The following HMCN2 variants were observed in gnomAD, a reference collection of about 807,000 sequenced individuals.
HMCN2 encodes the protein hemicentin-2.
In HMCN2, 325 loss-of-function variants were observed where a neutral mutation model predicts 377.5. That is an observed-to-expected ratio of 0.86 (90% CI 0.79 to 0.94). HMCN2 has a LOEUF of 0.94. Among genes scored for constraint, HMCN2 ranks in the 40% least tolerant of loss-of-function variants. The probability of loss-of-function intolerance (pLI) is 0.00; values close to 1 mark genes in which losing one functional copy is unlikely to be tolerated. For missense variants in HMCN2, 4,543 were observed against 4,725.3 expected (o/e 0.96, Z 1.13); for synonymous variants, 2,007 against 2,046.8 (o/e 0.98, Z 0.53).
At position 130,394,438 on chromosome 9, in the gene HMCN2, G is replaced by A. The variant is rs574116194; in HGVS notation, c.10555G>A (p.Gly3519Ser). Residue 3519 changes from glycine (G) to serine (S), a missense_variant, in exon 69 of 98, where the codon GGC (glycine) becomes AGC (serine). Physicochemically the swap from Gly to Ser is moderately conservative, Grantham distance 56. Transcript: ENST00000683500. This position sits in a 1 kb window ranked among gnomAD's most constrained non-coding sequence, Gnocchi z 5.1. ...GCCTACAGAGCTGTCGCTGACCCCC[G>A]GCGCCCCCATGGAGCTCCTCTGTGA... is the stretch of plus-strand genomic sequence containing the variant. ...GQPTELSLTP[G>S]APMELLCDAQ... The A allele has an allele frequency of 4.6e-5, 59 of 1,289,562 alleles. No individual in the cohort carries two copies. The South Asian group carries it at 5.7e-4, about 12-fold the overall frequency. The allele number at this position is 1,289,562 out of a possible 1,614,324, so 79.9% of individuals were successfully genotyped here. A position where few individuals can be genotyped will look rare whatever the true frequency, so the allele number is the denominator to read the frequency against.
Position 130,393,627 on chromosome 9 carries a change from C to T in HMCN2, c.10235-115C>T. 1.0e-6 allele frequency: 1 copy of T among 973,932 alleles called. No homozygotes were observed. Among genetic ancestry groups the T allele is most frequent in the Non-Finnish European group, 1.3e-6 (1 of 753,826 alleles). 60.3% of individuals were successfully genotyped at this position (973,932 alleles called of 1,614,324 possible). ...TGTGGGAGCACAGAGGAGGGCACCT[C>T]ACCTGGCCTTGGGGGACCAGGGCGG... On this transcript the variant is annotated intron_variant, in intron 67 of 97. Transcript: ENST00000683500. The surrounding 1 kb of genome is among the most constrained non-coding windows in gnomAD (Gnocchi z 5.2).
At position 130,382,264 on chromosome 9, in the gene HMCN2, G is replaced by A. The variant is rs543859210; in HGVS notation, c.8512G>A (p.Glu2838Lys). Reference protein sequence around the residue: ...YSCKASNEVGEDWLHYELLVL... With the variant: ...YSCKASNEVGKDWLHYELLVL... Reference sequence around the variant, plus strand: ...GTGCAAGGCCTCCAACGAGGTGGGCGAGGACTGGCTGCACTACGAGCTGCT... The same window carrying A: ...GTGCAAGGCCTCCAACGAGGTGGGCAAGGACTGGCTGCACTACGAGCTGCT... Residue 2838 changes from glutamate (E) to lysine (K), a missense_variant, in exon 55 of 98, where the codon GAG (glutamate) becomes AAG (lysine). By Grantham distance (56) the Glu-to-Lys change is moderately conservative. Transcript: ENST00000683500. The A allele has an allele frequency of 9.1e-6, 9 of 985,888 alleles. No individual in the cohort carries two copies. The highest frequency in any genetic ancestry group is 2.3e-4 in the East Asian group (2 of 8,810). The allele number at this position is 985,888 out of a possible 1,614,324, so 61.1% of individuals were successfully genotyped here. A position where few individuals can be genotyped will look rare whatever the true frequency, so the allele number is the denominator to read the frequency against.
At chr9:130,278,158 T>G (rs1554924155) in intron 1 of HMCN2, among the ~76,000 whole-genome samples, 1 of 152,202 alleles carries the variant, frequency 6.6e-6, no homozygotes. Flanking sequence ...GCAGTCTCGC[T>G]CTGTCACCCA....
intron 75 of HMCN2, among the ~76,000 whole-genome samples, chr9:130,399,250 CAAAAAAAAA>C (rs35123847): frequency 5.2e-5 from 4 of 77,046 alleles, no homozygotes; most frequent in African/African-American, 1.8e-4. Flanking sequence ...GAGACTGTCT[CAAAAAAAAA>C]AAAAAAAAAA....
In HMCN2 at chr9:130,269,266, C is replaced by CTTT. The variant is rs56326154; in HGVS notation, c.259+3147_259+3149dup. Reference sequence around the variant, plus strand: ...AATCATTGCAAAAGAGCCCTGGTTCCTTTTTTTTTTTTTTTTTTTTGAAAT... The same window carrying CTTT: ...AATCATTGCAAAAGAGCCCTGGTTCCTTTTTTTTTTTTTTTTTTTTTTTGAAAT... On this transcript the variant is annotated intron_variant, in intron 1 of 97. Transcript: ENST00000683500. Among the ~76,000 whole-genome samples, 337 of 116,522 alleles carry CTTT rather than the reference C, an allele frequency of 2.9e-3. 2 individuals carry two copies. The highest frequency in any genetic ancestry group is 9.2e-3 in the African/African-American group (309 of 33,572). The allele number at this position is 116,522 out of a possible 152,430, so 76.4% of individuals were successfully genotyped here.
chr9:130,420,278 G>A (rs952748757), intron 86 of HMCN2, among the ~76,000 whole-genome samples: 3 of 151,866 alleles, frequency 2.0e-5, no homozygotes, highest in African/African-American at 4.8e-5. Context: ...GTTTCACCGC[G>A]TTAGCCAGGA....
At chr9:130,353,868 A>G (rs1489557872) in intron 31 of HMCN2, among the ~76,000 whole-genome samples, 1 of 152,050 alleles carries the variant, frequency 6.6e-6, no homozygotes, top group Non-Finnish European at 1.5e-5. Flanking sequence ...GTGAAGTGTG[A>G]GAGGGCAGCG....
intron 1 of HMCN2, among the ~76,000 whole-genome samples, chr9:130,271,582 G>GT (rs1834408213): frequency 6.7e-6 from 1 of 148,970 alleles, no homozygotes; most frequent in Non-Finnish European, 1.5e-5. Context: ...GTGCACGTGT[G>GT]TTTTTTGTTT....
In HMCN2 at chr9:130,302,995, A is replaced by G. The variant is rs374469987; in HGVS notation, c.1415A>G (p.His472Arg). 334 of 469,194 alleles carry G rather than the reference A, an allele frequency of 7.1e-4. 4 individuals are homozygous for G. The highest frequency in any genetic ancestry group is 5.6e-3 in the African/African-American group (281 of 50,152). 29.1% of individuals were successfully genotyped at this position (469,194 alleles called of 1,614,324 possible). The change falls in exon 9 of 98, where the codon CAC becomes CGC. Residue 472 changes from histidine (H) to arginine (R), a missense_variant. Physicochemically the swap from His to Arg is conservative, Grantham distance 29. Transcript: ENST00000683500. ...RGEARLGEER[H>R]FQESGNSSWE... Reference sequence around the variant, plus strand: ...GAAGCCAGGCTGGGCGAAGAGAGGCACTTTCAGTGAGTGGCCCACGGCAGC... The same window carrying G: ...GAAGCCAGGCTGGGCGAAGAGAGGCGCTTTCAGTGAGTGGCCCACGGCAGC...
chr9:130,378,415 T>A (rs531101692), intron 53 of HMCN2, among the ~76,000 whole-genome samples: 1 of 13,914 alleles, frequency 7.2e-5, no homozygotes, highest in Admixed American at 1.0e-3. Flanking sequence ...GCAGGGAGGC[T>A]GGGAGGGGGA....
chr9:130,295,897 T>C (rs1836120142), intron 6 of HMCN2, 125 bp downstream of exon 6: 1 of 387,140 alleles, frequency 2.6e-6, no homozygotes, highest in Middle Eastern at 3.8e-4. Flanking sequence ...GGTGGTGATG[T>C]GGTCGTATCA....
chr9:130,286,959 C>G (rs1292900406), intron 4 of HMCN2, among the ~76,000 whole-genome samples: 1 of 152,184 alleles, frequency 6.6e-6, no homozygotes, highest in Non-Finnish European at 1.5e-5. Flanking sequence ...CCACCCCACA[C>G]TCCCGTCCGC....
chr9:130,346,896 G>T (rs930575949), intron 25 of HMCN2, among the ~76,000 whole-genome samples: 1 of 152,270 alleles, frequency 6.6e-6, no homozygotes, highest in East Asian at 1.9e-4. Context: ...TTGCTGTGAA[G>T]AGAACCAGAA....
rs977708141 is a variant in HMCN2, at chr9:130,333,556, T to C, written c.3360-4338T>C. Among the ~76,000 whole-genome samples, 7 of 152,336 alleles carry C rather than the reference T, an allele frequency of 4.6e-5. No homozygotes were observed. In the East Asian group the frequency reaches 1.3e-3, roughly 29 times the overall value. ...AACCTCTCCACTCTCATCTGGGCGC[T>C]GCGTGGAGCCATCTGGCCGTGCACG... On this transcript the variant is annotated intron_variant, in intron 22 of 97. Transcript: ENST00000683500.
rs1426550450 is a variant in HMCN2, at chr9:130,400,952, G to A, written c.11770+5G>A. 1 of 1,285,642 alleles carries A rather than the reference G, an allele frequency of 7.8e-7. No homozygotes were observed. Among genetic ancestry groups the A allele is most frequent in the African/African-American group, 1.5e-5 (1 of 65,850 alleles). 79.6% of individuals were successfully genotyped at this position (1,285,642 alleles called of 1,614,324 possible). ...GCTATCGTGTCTCACCATCGGGTAA[G>A]TAAGGGTAAGCCACAGAGAGAGGCA... is the stretch of plus-strand genomic sequence containing the variant. On this transcript the variant is annotated splice_donor_5th_base_variant and intron_variant, in intron 77 of 97. Transcript: ENST00000683500.
intron 22 of HMCN2, among the ~76,000 whole-genome samples, chr9:130,336,775 C>T (rs1588262622): frequency 6.6e-6 from 1 of 152,174 alleles, no homozygotes; most frequent in Non-Finnish European, 1.5e-5. Context: ...CGAGAATTGC[C>T]GATGGTGTTG....
At position 130,422,988 on chromosome 9, in the gene HMCN2, G is replaced by A. The variant is rs558696476; in HGVS notation, c.13381+262G>A. Reference sequence around the variant, plus strand: ...CAGTCAGACCAAGAGTGTGTGAAACGGTCAGTGTTCTGGGGGTGCGGGCGC... The same window carrying A: ...CAGTCAGACCAAGAGTGTGTGAAACAGTCAGTGTTCTGGGGGTGCGGGCGC... On this transcript the variant is annotated intron_variant, in intron 87 of 97. Coordinates refer to ENST00000683500, the MANE Select transcript of HMCN2 (RefSeq NM_001291815.2). This position sits in a 1 kb window ranked among gnomAD's most constrained non-coding sequence, Gnocchi z 4.2. 2.0e-5 allele frequency among the ~76,000 whole-genome samples: 3 copies of A among 152,254 alleles called. No individual in the cohort carries two copies. Among genetic ancestry groups the A allele is most frequent in the South Asian group, 2.1e-4 (1 of 4,812 alleles).
intron 1 of HMCN2, among the ~76,000 whole-genome samples, chr9:130,277,251 G>C (rs1554923447): frequency 6.6e-6 from 1 of 152,258 alleles, no homozygotes; most frequent in Non-Finnish European, 1.5e-5. Context: ...AAGAGGGCTT[G>C]AGTGGAGCCA....
At position 130,429,622 on chromosome 9, in the gene HMCN2, G is replaced by A. The variant is rs1170208776; in HGVS notation, c.14263G>A (p.Gly4755Ser). ...HYNQLCENTP[G>S]GHRCSCPRGY... ...CAACCAGCTCTGCGAGAACACCCCA[G>A]GCGGTCACCGCTGCAGCTGCCCCAG... Residue 4755 changes from glycine (G) to serine (S), a missense_variant, in exon 94 of 98, where the codon GGC becomes AGC. Physicochemically the swap from Gly to Ser is moderately conservative, Grantham distance 56. Transcript: ENST00000683500. 1.3e-6 allele frequency: 2 copies of A among 1,549,932 alleles called. No individual in the cohort carries two copies. Among genetic ancestry groups the A allele is most frequent in the Admixed American group, 3.9e-5 (2 of 50,932 alleles).
Sources: allele counts gnomAD v4.1 joint callset (sites outside exome capture counted in the v4.1 genomes callset), GRCh38; gene constraint gnomAD v4.1.1; non-coding constraint Gnocchi (gnomAD v3.1); transcripts MANE v1.5; gene names NCBI Gene and HGNC (gene_info 2026-07-23, HGNC 2026-07-21).